PKNOX2: variants seen among roughly 807,000 people sequenced by gnomAD.
The protein encoded by PKNOX2 is homeobox protein PKNOX2.
Under a neutral mutation model 53.1 loss-of-function variants are expected in PKNOX2, and 14 were observed. The ratio of observed to expected loss-of-function variants is 0.26; its 90% CI spans 0.17 to 0.41. PKNOX2 has a LOEUF of 0.41. Ranked by LOEUF, PKNOX2 falls within the 10% of genes least tolerant of loss-of-function variation. The probability of loss-of-function intolerance (pLI) is 1.00; values close to 1 mark genes in which losing one functional copy is unlikely to be tolerated. For synonymous variants in PKNOX2, 257 were observed against 242.8 expected (o/e 1.06, Z -0.54); for missense variants, 496 against 602.8 (o/e 0.82, Z 1.85).
At chr11:125,312,085 C>T (rs1413729958) in intron 2 of PKNOX2, among the ~76,000 whole-genome samples, 1 of 152,160 alleles carries the variant, frequency 6.6e-6, no homozygotes, top group South Asian at 2.1e-4. Flanking sequence ...CTCTGAGCCT[C>T]TGTTTCTTCA....
chr11:125,383,024 T>A (rs564058407), intron 5 of PKNOX2, among the ~76,000 whole-genome samples: 39 of 151,816 alleles, frequency 2.6e-4, no homozygotes, highest in African/African-American at 9.2e-4. Flanking sequence ...GGGGAGAGAG[T>A]GTGCAGGGAC....
chr11:125,383,577 A>G (rs993809042), intron 5 of PKNOX2, among the ~76,000 whole-genome samples: 10 of 152,136 alleles, frequency 6.6e-5, no homozygotes, highest in Non-Finnish European at 1.5e-5. Context: ...AGATCATGCC[A>G]CTGCACTCCA....
Position 125,205,089 on chromosome 11 carries a change from G to A in PKNOX2, c.-200-29956G>A, listed in dbSNP as rs527637484. ...TGAGCACAGGGCTTGTGTCCATTAC[G>A]TGTTCATTACATGTTACTCCTAGAA... On this transcript the variant is annotated intron_variant, in intron 1 of 12. Coordinates refer to ENST00000298282, the MANE Select transcript of PKNOX2 (RefSeq NM_001382323.2). 7.7e-4 allele frequency among the ~76,000 whole-genome samples: 118 copies of A among 152,342 alleles called. 4 individuals carry two copies. The South Asian group carries it at 0.022, about 29-fold the overall frequency.
chr11:125,206,090 G>T (rs1304009093), intron 1 of PKNOX2, among the ~76,000 whole-genome samples: 1 of 151,954 alleles, frequency 6.6e-6, no homozygotes, highest in Non-Finnish European at 1.5e-5. Context: ...CATATTTATG[G>T]GGCACTCACT....
chr11:125,407,781 T>A (rs2135524051), intron 7 of PKNOX2, among the ~76,000 whole-genome samples: 1 of 152,124 alleles, frequency 6.6e-6, no homozygotes, highest in Non-Finnish European at 1.5e-5. Flanking sequence ...CCTTCCGAGT[T>A]TGCTTCAGCT....
At chr11:125,356,358 A>G (rs754525726) in intron 4 of PKNOX2, among the ~76,000 whole-genome samples, 7 of 152,186 alleles carry the variant, frequency 4.6e-5, no homozygotes, top group Non-Finnish European at 8.8e-5. Flanking sequence ...GTGGCATTGA[A>G]AGGGTTTGGG....
chr11:125,322,010 C>G (rs1949539132), intron 2 of PKNOX2, among the ~76,000 whole-genome samples: 1 of 152,136 alleles, frequency 6.6e-6, no homozygotes, highest in Admixed American at 6.5e-5. Context: ...AATCACTTCC[C>G]AAAAGGCTCC....
chr11:125,169,305 G>A (rs754318382), intron 1 of PKNOX2, among the ~76,000 whole-genome samples: 3 of 152,194 alleles, frequency 2.0e-5, no homozygotes, highest in East Asian at 3.8e-4. Flanking sequence ...CGTGAGATCC[G>A]TGACTTATTG....
chr11:125,431,103 C>T (rs1016933670), intron 12 of PKNOX2, 63 bp from the exon 13 acceptor site: 17 of 1,563,302 alleles, frequency 1.1e-5, no homozygotes, highest in Admixed American at 9.2e-5. Context: ...CCCTGTCCAA[C>T]ACAGAGGTGC....
chr11:125,278,637 C>T (rs966559554), intron 2 of PKNOX2, among the ~76,000 whole-genome samples: 1 of 152,092 alleles, frequency 6.6e-6, no homozygotes, highest in Non-Finnish European at 1.5e-5. Flanking sequence ...AGGGAGGGGC[C>T]GACTTGCTGG....
At chr11:125,339,937 G>A (rs984036162) in intron 3 of PKNOX2, among the ~76,000 whole-genome samples, 11 of 152,154 alleles carry the variant, frequency 7.2e-5, no homozygotes, top group Admixed American at 1.3e-4. Context: ...CCACGATGAA[G>A]ACTCAAGATT....
intron 3 of PKNOX2, chr11:125,332,683 G>A (rs1239077739): frequency 2.0e-5 from 3 of 152,082 alleles, no homozygotes; most frequent in Non-Finnish European, 4.4e-5. Context: ...CCTTGCCCAG[G>A]ATTTTGTAAG....
chr11:125,228,526 C>T (rs548168133), intron 1 of PKNOX2, among the ~76,000 whole-genome samples: 82 of 152,256 alleles, frequency 5.4e-4, no homozygotes, highest in African/African-American at 1.9e-3. Flanking sequence ...CTGGCTGTCC[C>T]GGAGTCACCT....
chr11:125,309,224 T>C (rs1444793616), intron 2 of PKNOX2, among the ~76,000 whole-genome samples: 4 of 149,458 alleles, frequency 2.7e-5, no homozygotes, highest in African/African-American at 1.0e-4. Flanking sequence ...CTCTCTCTCT[T>C]TCTTCCTTCC....
chr11:125,312,643 C>T (rs907541285), intron 2 of PKNOX2, among the ~76,000 whole-genome samples: 13 of 152,174 alleles, frequency 8.5e-5, no homozygotes, highest in Admixed American at 5.9e-4. Context: ...CCGAGTGTCA[C>T]GCACGGCAGG....
chr11:125,314,376 G>A (rs1591524265), intron 2 of PKNOX2, among the ~76,000 whole-genome samples: 1 of 152,172 alleles, frequency 6.6e-6, no homozygotes, highest in Non-Finnish European at 1.5e-5. Context: ...GAGCCAGGGT[G>A]GGTCAGGGAG....
rs141633485 is a variant in PKNOX2 at position 125,307,858 on chromosome 11, C to T, written c.-129-23961C>T. Reference sequence around the variant, plus strand: ...AGTTTGCTCCCTAGTGGAGGAAACACATCAGCACAAATGCAACTCACCATA... The same window carrying T: ...AGTTTGCTCCCTAGTGGAGGAAACATATCAGCACAAATGCAACTCACCATA... On this transcript the variant is annotated intron_variant, in intron 2 of 12. Coordinates refer to ENST00000298282, the MANE Select transcript of PKNOX2 (RefSeq NM_001382323.2). 2.1e-3 allele frequency among the ~76,000 whole-genome samples: 316 copies of T among 152,286 alleles called. 2 individuals carry two copies. Among genetic ancestry groups the T allele is most frequent in the African/African-American group, 6.6e-3 (274 of 41,554 alleles).
chr11:125,177,325 C>T (rs1955778912), intron 1 of PKNOX2, among the ~76,000 whole-genome samples: 1 of 152,094 alleles, frequency 6.6e-6, no homozygotes, highest in Admixed American at 6.6e-5. Flanking sequence ...TAGAGAGAGA[C>T]TGATGGGCTT....
intron 1 of PKNOX2, among the ~76,000 whole-genome samples, chr11:125,216,867 G>A (rs1940564469): frequency 6.6e-6 from 1 of 152,198 alleles, no homozygotes. Context: ...CTTGTTAAAG[G>A]CGTATTAAAA....
Sources: gnomAD v4.1 joint callset for allele counts (sites outside exome capture counted in the v4.1 genomes callset) on GRCh38, gnomAD v4.1.1 for gene constraint, MANE v1.5 for transcripts, NCBI Gene and HGNC (gene_info 2026-07-23, HGNC 2026-07-21) for gene names.